The following DLGAP1 variants were observed in gnomAD, a reference collection of about 807,000 sequenced individuals.
DLGAP1 encodes disks large-associated protein 1.
DLGAP1 carries 11 observed loss-of-function variants against 90.8 expected under a neutral mutation model. That is an observed-to-expected ratio of 0.12 (90% confidence interval 0.08 to 0.20). The LOEUF is 0.20. Ranked by LOEUF, DLGAP1 falls within the 10% of genes least tolerant of loss-of-function variation. The probability of loss-of-function intolerance (pLI) is 1.00; values close to 1 mark genes in which losing one functional copy is unlikely to be tolerated. For synonymous variants in DLGAP1, 558 were observed against 540.7 expected (o/e 1.03, Z -0.44); for missense variants, 1,050 against 1,333.8 (o/e 0.79, Z 3.31).
intron 3 of DLGAP1, among the ~76,000 whole-genome samples, chr18:3,923,470 T>C: frequency 6.6e-6 from 1 of 152,210 alleles, no homozygotes; most frequent in East Asian, 1.9e-4. Context: ...TCATTGGCTT[T>C]ATGGGAAATT....
At chr18:3,768,070 C>CA (rs1309456805) in intron 5 of DLGAP1, among the ~76,000 whole-genome samples, 2 of 151,948 alleles carry the variant, frequency 1.3e-5, no homozygotes, top group African/African-American at 2.4e-5. Flanking sequence ...AAGAACTTAA[C>CA]AAAAAAACTT....
chr18:4,282,857 G>A (rs1002269825), intron 1 of DLGAP1, among the ~76,000 whole-genome samples: 5 of 152,308 alleles, frequency 3.3e-5, no homozygotes, highest in Middle Eastern at 3.4e-3. Context: ...AATAATTCCA[G>A]GAAATATGTC....
intron 2 of DLGAP1, among the ~76,000 whole-genome samples, chr18:4,097,453 C>G (rs371088752): frequency 6.6e-6 from 1 of 152,208 alleles, no homozygotes; most frequent in Non-Finnish European, 1.5e-5. Context: ...GTGCTCACCA[C>G]GTGGTACTGA....
chr18:3,983,133 T>A (rs1356435715), intron 3 of DLGAP1: 1 of 152,162 alleles, frequency 6.6e-6, no homozygotes, highest in South Asian at 2.1e-4. Context: ...TATTTTTCCT[T>A]ATTTGAAATT....
In DLGAP1 at chr18:4,181,387, C is replaced by T. The variant is rs76683436; in HGVS notation, c.-266-30100G>A. Among the ~76,000 whole-genome samples, 1,424 of 152,246 alleles carry T rather than the reference C, an allele frequency of 9.4e-3. 27 individuals carry two copies. The highest frequency in any genetic ancestry group is 0.031 in the African/African-American group (1,275 of 41,554). On this transcript the variant is annotated intron_variant, in intron 1 of 12. Coordinates refer to ENST00000315677, the MANE Select transcript of DLGAP1 (RefSeq NM_004746.4). The stretch of plus-strand genomic sequence containing the variant: ...CAGTTTTTGATAAGACATGGACTAA[C>T]AAACCGAATCCAACTGCTACAGGGA...
chr18:4,006,040 A>T (rs1410530937), intron 2 of DLGAP1, among the ~76,000 whole-genome samples: 5 of 152,094 alleles, frequency 3.3e-5, no homozygotes, highest in Non-Finnish European at 5.9e-5. Context: ...TTCCTGTGCC[A>T]CTCAGTCCAT....
intron 1 of DLGAP1, among the ~76,000 whole-genome samples, chr18:4,256,757 G>A (rs1480154984): frequency 6.6e-6 from 1 of 152,040 alleles, no homozygotes; most frequent in Non-Finnish European, 1.5e-5. Flanking sequence ...TAAATCACTG[G>A]GAATGCATTT....
chr18:4,153,946 A>G (rs2076713546), intron 1 of DLGAP1, among the ~76,000 whole-genome samples: 1 of 152,186 alleles, frequency 6.6e-6, no homozygotes, highest in African/African-American at 2.4e-5. Flanking sequence ...TGATGGGTAA[A>G]CCATGGAGAA....
chr18:3,875,510 TG>T (rs1400479262), intron 4 of DLGAP1, among the ~76,000 whole-genome samples: 3 of 152,220 alleles, frequency 2.0e-5, no homozygotes, highest in Non-Finnish European at 4.4e-5. Flanking sequence ...AGGTAGAGAT[TG>T]GGCATAGTAA....
intron 2 of DLGAP1, among the ~76,000 whole-genome samples, chr18:4,108,926 C>T (rs7239770): frequency 0.5 from 75,317 of 152,022 alleles, 19,810 homozygotes; most frequent in African/African-American, 0.67. Flanking sequence ...TTCTTTGACA[C>T]AGCTCTTACA....
chr18:4,011,634 T>C (rs2074424439), intron 2 of DLGAP1, among the ~76,000 whole-genome samples: 2 of 151,892 alleles, frequency 1.3e-5, no homozygotes, highest in African/African-American at 4.8e-5. Flanking sequence ...CTGGGCAACA[T>C]AGTGAAACCT....
rs588967 is a variant in DLGAP1 at position 4,232,432 on chromosome 18, T to C, written c.-266-81145A>G. Among the ~76,000 whole-genome samples the C allele has an allele frequency of 4.6e-3, 705 of 152,290 alleles. 5 individuals are homozygous for C. Among genetic ancestry groups the C allele is most frequent in the African/African-American group, 0.016 (666 of 41,568 alleles). ...ATGGTTAGACTTGTTTTCTCGATAA[T>C]GAACTTTTTGCAACTAAACAGCACC... On this transcript the variant is annotated intron_variant, in intron 1 of 12. Coordinates refer to ENST00000315677, the MANE Select transcript of DLGAP1 (RefSeq NM_004746.4).
At chr18:3,809,639 A>G (rs2066731829) in intron 5 of DLGAP1, among the ~76,000 whole-genome samples, 1 of 152,166 alleles carries the variant, frequency 6.6e-6, no homozygotes, top group East Asian at 1.9e-4. Flanking sequence ...TAGACTGACT[A>G]TTTCTTCCAG....
chr18:3,710,345 G>T (rs342481), intron 7 of DLGAP1, among the ~76,000 whole-genome samples: 52,176 of 152,130 alleles, frequency 0.34, 12,119 homozygotes, highest in African/African-American at 0.66. Context: ...GGGGCCCTAC[G>T]TCATCCCCCG....
At chr18:4,303,079 T>G (rs150754928) in intron 1 of DLGAP1, among the ~76,000 whole-genome samples, 40 of 152,336 alleles carry the variant, frequency 2.6e-4, no homozygotes, top group African/African-American at 8.9e-4. Context: ...TGTTGACTGC[T>G]GGGTTCCCAG....
intron 9 of DLGAP1, among the ~76,000 whole-genome samples, chr18:3,535,858 C>A (rs953840658): frequency 2.6e-5 from 4 of 151,946 alleles, no homozygotes; most frequent in Non-Finnish European, 5.9e-5. Flanking sequence ...ATGGAATAAT[C>A]CCGTCTCTAC....
In DLGAP1 at chr18:3,899,816, C is replaced by A. The variant is rs553857572; in HGVS notation, c.-72-19676G>T. Among the ~76,000 whole-genome samples the A allele has an allele frequency of 3.9e-5, 6 of 152,260 alleles. No homozygotes were observed. In the South Asian group the frequency reaches 1.2e-3, roughly 32 times the overall value. The stretch of plus-strand genomic sequence containing the variant: ...TAGGAAAAATCAGCGCTATAAATTG[C>A]AAGTTTTCCTGCTAAGATCCTTGGC... On this transcript the variant is annotated intron_variant, in intron 3 of 12. Transcript: ENST00000315677.
At chr18:4,006,821 A>AT (rs941398350) in intron 2 of DLGAP1, among the ~76,000 whole-genome samples, 3 of 151,684 alleles carry the variant, frequency 2.0e-5, no homozygotes, top group African/African-American at 7.3e-5. Flanking sequence ...AATTTAAAAA[A>AT]TTTTTCTGTA....
At chr18:3,678,161 C>A (rs530600105) in intron 7 of DLGAP1, among the ~76,000 whole-genome samples, 2 of 151,750 alleles carry the variant, frequency 1.3e-5, no homozygotes, top group African/African-American at 4.8e-5. Flanking sequence ...AGGGTTTCAC[C>A]ATGTTGGCCA....
Sources: allele counts gnomAD v4.1 joint callset (sites outside exome capture counted in the v4.1 genomes callset), GRCh38; gene constraint gnomAD v4.1.1; transcripts MANE v1.5; gene names NCBI Gene and HGNC (gene_info 2026-07-23, HGNC 2026-07-21).